Variants in ARHGAP23 observed in about 807,000 individuals in gnomAD.
ARHGAP23 encodes the protein rho GTPase-activating protein 23.
Under a neutral mutation model 136.3 loss-of-function variants are expected in ARHGAP23, and 34 were observed. The observed-to-expected ratio is 0.25, with a 90% CI of 0.19 to 0.33. ARHGAP23 has a LOEUF of 0.33. ARHGAP23 is among the 10% of genes least tolerant of loss of function. The pLI, the probability that ARHGAP23 is intolerant of heterozygous loss-of-function variation, is 1.00. For synonymous variants in ARHGAP23, 832 were observed against 920.5 expected, an observed-to-expected ratio of 0.90 and a Z score of 1.74; for missense variants, 1,808 against 2,139.0, an observed-to-expected ratio of 0.85 and a Z score of 3.05.
intron 1 of ARHGAP23, chr17:38,457,773 C>T (rs2039363331): frequency 2.4e-5 from 11 of 449,386 alleles, no homozygotes; most frequent in South Asian, 2.3e-4. Context: ...TATCCAGGGT[C>T]CTGCACATAG....
At chr17:38,483,384 G>A (rs952186245) in intron 16 of ARHGAP23, among the ~76,000 whole-genome samples, 7 of 152,384 alleles carry the variant, frequency 4.6e-5, no homozygotes, top group African/African-American at 1.7e-4. Context: ...TCACACTTAA[G>A]TGTTTCCAGC....
At chr17:38,423,837 C>T (rs1240033738), upstream of ARHGAP23, among the ~76,000 whole-genome samples, 2 of 152,140 alleles carry the variant, frequency 1.3e-5, no homozygotes, top group African/African-American at 4.8e-5. Flanking sequence ...TCCTTCTCCA[C>T]CAGGGGATGC....
chr17:38,470,720 A>AGAGACT (rs1242002375), intron 10 of ARHGAP23, among the ~76,000 whole-genome samples: 1 of 151,686 alleles, frequency 6.6e-6, no homozygotes, highest in Non-Finnish European at 1.5e-5. Flanking sequence ...TATTTTTAAT[A>AGAGACT]GAGACTGGGT....
chr17:38,463,606 G>C (rs2039512694), intron 6 of ARHGAP23, among the ~76,000 whole-genome samples: 1 of 152,160 alleles, frequency 6.6e-6, no homozygotes, highest in Admixed American at 6.5e-5. Flanking sequence ...TCCTGCCAGG[G>C]TATCTGGAAG....
chr17:38,455,421 TGGTA>T (rs1172957494), intron 1 of ARHGAP23, among the ~76,000 whole-genome samples: 1 of 152,080 alleles, frequency 6.6e-6, no homozygotes, highest in African/African-American at 2.4e-5. Context: ...GAGGGAATGC[TGGTA>T]GTGCTTGGTG....
At chr17:38,483,954 C>A (rs1471530838) in intron 16 of ARHGAP23, among the ~76,000 whole-genome samples, 4 of 152,096 alleles carry the variant, frequency 2.6e-5, no homozygotes, top group Non-Finnish European at 5.9e-5. Context: ...GAGGGTGAGG[C>A]CCCAGGGGGA....
In ARHGAP23 at chr17:38,459,822, C is replaced by T. The variant is rs369412168; in HGVS notation, c.226-1083C>T. The stretch of plus-strand genomic sequence containing the variant: ...TCTGTCTGCCTCTGCCACTCTCTCG[C>T]AGTGCTGTCAGCTTGCATCAGCCGG... On this transcript the variant is annotated intron_variant, in intron 2 of 23. Coordinates refer to ENST00000622683, the MANE Select transcript of ARHGAP23 (RefSeq NM_001199417.2). 2.0e-5 allele frequency among the ~76,000 whole-genome samples: 3 copies of T among 152,332 alleles called. No homozygotes were observed. The South Asian group carries it at 6.2e-4, about 32-fold the overall frequency.
chr17:38,455,202 A>C (rs2039294837), intron 1 of ARHGAP23, among the ~76,000 whole-genome samples: 1 of 152,198 alleles, frequency 6.6e-6, no homozygotes, highest in Admixed American at 6.5e-5. Flanking sequence ...GTATTATAGC[A>C]TGAAGGATTG....
intron 20 of ARHGAP23, among the ~76,000 whole-genome samples, chr17:38,497,477 A>G (rs2040418236): frequency 6.6e-6 from 1 of 152,202 alleles, no homozygotes; most frequent in African/African-American, 2.4e-5. Flanking sequence ...GTTTAGAGAA[A>G]AGCAAGTAAA....
At chr17:38,485,962 G>T in intron 16 of ARHGAP23, 100 bp from the exon 17 acceptor site, 2 of 1,115,678 alleles carry the variant, frequency 1.8e-6, no homozygotes, top group Non-Finnish European at 2.6e-6. Flanking sequence ...AGGTCCCAGG[G>T]AGGGCCTGGT....
intron 12 of ARHGAP23, among the ~76,000 whole-genome samples, chr17:38,479,185 G>A (rs1204446747): frequency 2.0e-5 from 3 of 152,286 alleles, no homozygotes; most frequent in East Asian, 3.9e-4. Flanking sequence ...TTCTGCACCC[G>A]GCCCTGAGCC....
intron 10 of ARHGAP23, among the ~76,000 whole-genome samples, chr17:38,470,621 CCA>C (rs2039728541): frequency 6.6e-6 from 1 of 152,170 alleles, no homozygotes; most frequent in Non-Finnish European, 1.5e-5. Context: ...ACTGCAACCT[CCA>C]CCTCCTGGGT....
At chr17:38,448,789 G>A (rs2039091692) in intron 1 of ARHGAP23, among the ~76,000 whole-genome samples, 1 of 146,724 alleles carries the variant, frequency 6.8e-6, no homozygotes, top group Admixed American at 6.7e-5. Flanking sequence ...GGGACCAGAG[G>A]TGCACGCCAC....
intron 18 of ARHGAP23, 29 bp from the exon 19 acceptor site, chr17:38,490,432 GT>G (rs778283210): frequency 2.7e-6 from 4 of 1,476,752 alleles, no homozygotes; most frequent in Admixed American, 3.9e-5. Context: ...CTTACAGCCT[GT>G]CCCCATGCCC....
intron 7 of ARHGAP23, among the ~76,000 whole-genome samples, chr17:38,467,897 G>A (rs930607919): frequency 2.0e-5 from 3 of 151,566 alleles, no homozygotes; most frequent in Middle Eastern, 3.4e-3. Flanking sequence ...TCCCTCCATC[G>A]ACTCAACAGA....
rs760296483 is a variant in ARHGAP23, at chr17:38,477,915, C to G, written c.2436+19C>G. On this transcript the variant is annotated intron_variant, in intron 12 of 23. Coordinates refer to ENST00000622683, the MANE Select transcript of ARHGAP23 (RefSeq NM_001199417.2). This position sits in a 1 kb window ranked among gnomAD's most constrained non-coding sequence, Gnocchi z 6.6. ...GGGCGAGGTGAGGGCCCGGCCAGCC[C>G]GGCAGCCACAGAGGGCGGGCGGGGT... The G allele has an allele frequency of 1.3e-6, 2 of 1,547,436 alleles. No individual in the cohort carries two copies. The highest frequency in any genetic ancestry group is 2.4e-5 in the South Asian group (2 of 83,946).
At chr17:38,443,935 T>C (rs57131464) in intron 1 of ARHGAP23, among the ~76,000 whole-genome samples, 26,568 of 151,864 alleles carry the variant, frequency 0.17, 3,421 homozygotes, top group African/African-American at 0.37. Flanking sequence ...ACCTAGAGCT[T>C]TCCCCTAGTC....
Position 38,466,915 on chromosome 17 carries a change from T to A in ARHGAP23, c.1232T>A (p.Leu411Gln). 6.4e-7 allele frequency: 1 copy of A among 1,550,504 alleles called. No homozygotes were observed. The highest frequency in any genetic ancestry group is 8.7e-7 in the Non-Finnish European group (1 of 1,146,932). Reference protein sequence around the residue: ...QAPPPSGLQGLDDLGYIGYRS... With the variant: ...QAPPPSGLQGQDDLGYIGYRS... ...CCACCCCCGTCTGGCCTGCAGGGCCTGGATGACCTCGGGTACATCGGCTAC... is the reference window on the plus strand; with the variant it reads ...CCACCCCCGTCTGGCCTGCAGGGCCAGGATGACCTCGGGTACATCGGCTAC... The change falls in exon 7 of 24, where the codon CTG becomes CAG. Residue 411 changes from leucine (L) to glutamine (Q), a missense_variant. By Grantham distance (113) the Leu-to-Gln change is moderately radical. Around this residue, in one of 7 missense-constraint regions of ARHGAP23, gnomAD observed 859 missense variants for 936.4 expected, o/e 0.92. Transcript: ENST00000622683.
In ARHGAP23 at chr17:38,482,564, G is replaced by A; in HGVS notation, c.2793G>A (p.Glu931=). The A allele has an allele frequency of 6.5e-7, 1 of 1,549,908 alleles. No homozygotes were observed. Among genetic ancestry groups the A allele is most frequent in the Non-Finnish European group, 8.7e-7 (1 of 1,146,102 alleles). ...LIVAACCRIV[E]ARGLESTGIY... is the part of the protein sequence containing the mutation. ...TGGCTGCATGCTGTCGCATTGTGGA[G>A]GCACGAGGGCTGGAGTCCACAGGCA... is the stretch of plus-strand genomic sequence containing the variant. Residue 931 remains glutamate, a synonymous_variant, in exon 16 of 24, where the codon GAG becomes GAA. Coordinates refer to ENST00000622683, the MANE Select transcript of ARHGAP23 (RefSeq NM_001199417.2).
Sources: allele counts gnomAD v4.1 joint callset (sites outside exome capture counted in the v4.1 genomes callset), GRCh38; gene constraint gnomAD v4.1.1; regional missense constraint gnomAD v4.1.1; non-coding constraint Gnocchi (gnomAD v3.1); transcripts MANE v1.5; gene names NCBI Gene and HGNC (gene_info 2026-07-23, HGNC 2026-07-21).